TXNDC16: variants seen among roughly 807,000 people sequenced by gnomAD.
The protein encoded by TXNDC16 is thioredoxin domain containing 16.
TXNDC16 carries 74 observed loss-of-function variants against 85.6 expected under a neutral mutation model. That is an observed-to-expected ratio of 0.86 (90% CI 0.72 to 1.05). The LOEUF (loss-of-function observed/expected upper bound fraction) is 1.05. TXNDC16 is among the 50% of genes least tolerant of loss of function. The probability of loss-of-function intolerance (pLI) is 0.00; values close to 1 mark genes in which losing one functional copy is unlikely to be tolerated. For synonymous variants in TXNDC16, 335 were observed against 326.5 expected, an observed-to-expected ratio of 1.03 and a Z score of -0.28; for missense variants, 959 against 947.0, an observed-to-expected ratio of 1.01 and a Z score of -0.17.
intron 9 of TXNDC16, among the ~76,000 whole-genome samples, chr14:52,493,977 C>T (rs568507188): frequency 6.6e-6 from 1 of 151,876 alleles, no homozygotes; most frequent in South Asian, 2.1e-4. Flanking sequence ...GATGGGGTCT[C>T]GCCATGTTGC....
chr14:52,498,217 T>C (rs2036577293), intron 9 of TXNDC16, among the ~76,000 whole-genome samples: 1 of 152,174 alleles, frequency 6.6e-6, no homozygotes, highest in African/African-American at 2.4e-5. Context: ...AACTGTGAAC[T>C]TTCCCTCTAA....
At chr14:52,535,145 G>C (rs1159384231) in intron 6 of TXNDC16, among the ~76,000 whole-genome samples, 1 of 152,144 alleles carries the variant, frequency 6.6e-6, no homozygotes, top group East Asian at 1.9e-4. Flanking sequence ...GTCAAAGATA[G>C]TCATCAGGTA....
At chr14:52,498,638 A>T (rs1156558485) in intron 9 of TXNDC16, among the ~76,000 whole-genome samples, 1 of 152,198 alleles carries the variant, frequency 6.6e-6, no homozygotes, top group African/African-American at 2.4e-5. Context: ...TTATACTGAA[A>T]ACTACAAAAC....
intron 1 of TXNDC16, among the ~76,000 whole-genome samples, chr14:52,546,944 C>T (rs1383057628): frequency 6.6e-6 from 1 of 152,156 alleles, no homozygotes; most frequent in Non-Finnish European, 1.5e-5. Flanking sequence ...TTGGAGGTGA[C>T]ATGTACCTGA....
intron 6 of TXNDC16, among the ~76,000 whole-genome samples, chr14:52,530,429 A>AATATTATAAT (rs1566582610): frequency 2.8e-3 from 51 of 17,992 alleles, no homozygotes; most frequent in Admixed American, 3.6e-3. Context: ...TATTATATAT[A>AATATTATAAT]ATAATATATA....
At chr14:52,472,386 A>G (rs2035928241) in intron 14 of TXNDC16, among the ~76,000 whole-genome samples, 1 of 151,994 alleles carries the variant, frequency 6.6e-6, no homozygotes, top group Non-Finnish European at 1.5e-5. Flanking sequence ...TTTAGTAGAG[A>G]CAGGGTTTCA....
In TXNDC16 at chr14:52,551,032, C is replaced by T. The variant is rs148771622; in HGVS notation, c.-182+1284G>A. ...TTAGAGCAAGCCGTACCCTCTCATA[C>T]ACTGCACTCTCTACCTGCTCAGCTG... On this transcript the variant is annotated intron_variant, in intron 1 of 20. Transcript: ENST00000281741. 2.2e-3 allele frequency among the ~76,000 whole-genome samples: 341 copies of T among 152,250 alleles called. 4 individuals carry two copies. The highest frequency in any genetic ancestry group is 0.018 in the Admixed American group (269 of 15,300).
intron 14 of TXNDC16, 128 bp downstream of exon 14, chr14:52,482,102 T>C: frequency 2.6e-6 from 2 of 773,520 alleles, no homozygotes; most frequent in South Asian, 4.4e-5. Context: ...TTCATTAACT[T>C]AACCCTGGAG....
chr14:52,507,324 A>AGAGAATAAAATACCT (rs1157847785), intron 9 of TXNDC16, among the ~76,000 whole-genome samples: 4 of 152,074 alleles, frequency 2.6e-5, no homozygotes, highest in Admixed American at 2.6e-4. Flanking sequence ...ATTGCTTCAA[A>AGAGAATAAAATACCT]GAGAATAAAA....
chr14:52,476,287 C>T (rs1212909883), intron 14 of TXNDC16, among the ~76,000 whole-genome samples: 1 of 151,910 alleles, frequency 6.6e-6, no homozygotes, highest in African/African-American at 2.4e-5. Context: ...CTCACCCCCG[C>T]AAAAAAATCA....
chr14:52,450,890 C>G (rs1420751246), intron 18 of TXNDC16, among the ~76,000 whole-genome samples: 1 of 150,410 alleles, frequency 6.6e-6, no homozygotes, highest in Non-Finnish European at 1.5e-5. Flanking sequence ...TACACACACA[C>G]ACACATACAT....
chr14:52,523,987 T>C (rs1271546073), intron 6 of TXNDC16, among the ~76,000 whole-genome samples: 2 of 152,238 alleles, frequency 1.3e-5, no homozygotes, highest in Non-Finnish European at 2.9e-5. Context: ...CTGTGAGGAA[T>C]TCAAATCCAA....
chr14:52,549,952 T>G (rs1280810307), intron 1 of TXNDC16, among the ~76,000 whole-genome samples: 1 of 152,158 alleles, frequency 6.6e-6, no homozygotes, highest in African/African-American at 2.4e-5. Flanking sequence ...AGTTCTGCTT[T>G]TAAATGTTTG....
chr14:52,465,823 T>C (rs1296099469), intron 16 of TXNDC16, among the ~76,000 whole-genome samples: 1 of 152,174 alleles, frequency 6.6e-6, no homozygotes, highest in East Asian at 1.9e-4. Flanking sequence ...TAGTTTATGC[T>C]GCCATGTAAA....
chr14:52,511,245 G>A lies in TXNDC16; in HGVS notation c.751C>T (p.Leu251=). ...ATATAAAATAAGACACATACCAACA[G>A]AGGTGCTTTCATTGTCTTAATAAAC... ...HLFIKTMKAP[L]LTEVAEDPQQ... is the part of the protein sequence containing the mutation. Residue 251 remains leucine, a synonymous_variant, in exon 9 of 21, where the codon CTG becomes TTG. Transcript: ENST00000281741. 1 of 1,567,800 alleles carries A rather than the reference G, an allele frequency of 6.4e-7. No individual in the cohort carries two copies. The highest frequency in any genetic ancestry group is 8.7e-7 in the Non-Finnish European group (1 of 1,152,760).
chr14:52,543,192 GA>G (rs2037870021), intron 3 of TXNDC16, among the ~76,000 whole-genome samples: 1 of 151,964 alleles, frequency 6.6e-6, no homozygotes, highest in Admixed American at 6.6e-5. Flanking sequence ...GATGATGAAA[GA>G]AAAACACAGA....
chr14:52,491,309 G>A (rs972304377), intron 9 of TXNDC16, among the ~76,000 whole-genome samples: 41 of 146,972 alleles, frequency 2.8e-4, no homozygotes, highest in African/African-American at 1.0e-3. Context: ...AGCCTCCCGA[G>A]TAGCTGAGAC....
At chr14:52,470,755 T>C in intron 14 of TXNDC16, 75 bp from the exon 15 acceptor site, 1 of 1,363,552 alleles carries the variant, frequency 7.3e-7, no homozygotes. Flanking sequence ...TCAGTATTTT[T>C]CTATCCCATT....
intron 1 of TXNDC16, among the ~76,000 whole-genome samples, chr14:52,550,469 G>A (rs2140238416): frequency 6.6e-6 from 1 of 152,196 alleles, no homozygotes; most frequent in South Asian, 2.1e-4. Context: ...CAGTTGGGAG[G>A]AAAATCCTCT....
Sources: allele counts gnomAD v4.1 joint callset (sites outside exome capture counted in the v4.1 genomes callset), GRCh38; gene constraint gnomAD v4.1.1; transcripts MANE v1.5; gene names NCBI Gene and HGNC (gene_info 2026-07-23, HGNC 2026-07-21).